Variants in ADRA1A observed in about 807,000 individuals in gnomAD.
The protein encoded by ADRA1A is adrenoceptor alpha 1A, also known as alpha-1A adrenergic receptor.
A neutral mutation model predicts 29.6 loss-of-function variants in ADRA1A; 31 were observed. The ratio of observed to expected loss-of-function variants is 1.05; its 90% CI spans 0.79 to 1.41. ADRA1A has a LOEUF of 1.41. ADRA1A is among the 40% of genes most tolerant of loss of function. ADRA1A has a pLI of 0.00. For synonymous variants in ADRA1A, 311 were observed against 254.3 expected (o/e 1.22, Z -2.12); for missense variants, 619 against 601.1 (o/e 1.03, Z -0.31).
chr8:26,751,917 T>C (rs1217776758), downstream of ADRA1A, among the ~76,000 whole-genome samples: 2 of 152,132 alleles, frequency 1.3e-5, no homozygotes, highest in East Asian at 3.9e-4. Context: ...ATCAGTGGAG[T>C]GTTGAAGTTG....
chr8:26,863,089 A>C (rs1813604706), intron 2 of ADRA1A, among the ~76,000 whole-genome samples: 1 of 152,236 alleles, frequency 6.6e-6, no homozygotes, highest in South Asian at 2.1e-4. Context: ...CATTTAAATT[A>C]GGCTGTAAAG....
At chr8:26,853,817 A>G (rs1812804393) in intron 2 of ADRA1A, 1 of 152,252 alleles carries the variant, frequency 6.6e-6, no homozygotes, top group Admixed American at 6.5e-5. Context: ...CATTCAATGA[A>G]AAAACATGAA....
At chr8:26,846,149 T>G (rs981556436) in intron 2 of ADRA1A, among the ~76,000 whole-genome samples, 1 of 152,244 alleles carries the variant, frequency 6.6e-6, no homozygotes, top group Non-Finnish European at 1.5e-5. Flanking sequence ...TCAAGGCATC[T>G]GGAGACCTCA....
At chr8:26,760,868 G>C (rs1052540219), downstream of ADRA1A, among the ~76,000 whole-genome samples, 1 of 152,184 alleles carries the variant, frequency 6.6e-6, no homozygotes, top group Non-Finnish European at 1.5e-5. Context: ...GGATCTTACT[G>C]TCCCTTAGAA....
chr8:26,765,627 T>A (rs1805734555), downstream of ADRA1A, among the ~76,000 whole-genome samples: 1 of 152,254 alleles, frequency 6.6e-6, no homozygotes, highest in African/African-American at 2.4e-5. Flanking sequence ...ATACCTCTGA[T>A]GTCTCCATAT....
At chr8:26,752,332 A>G (rs543256714), downstream of ADRA1A, among the ~76,000 whole-genome samples, 1 of 152,352 alleles carries the variant, frequency 6.6e-6, no homozygotes, top group East Asian at 1.9e-4. Flanking sequence ...TTTACATAGT[A>G]CCAGAGGAGG....
downstream of ADRA1A, among the ~76,000 whole-genome samples, chr8:26,764,127 C>A (rs1032495942): frequency 4.2e-4 from 64 of 152,252 alleles, no homozygotes; most frequent in African/African-American, 1.5e-3. Flanking sequence ...GGGCGGGGTG[C>A]AGGAGAGGTT....
chr8:26,797,849 A>C (rs1312248184), intron 2 of ADRA1A, among the ~76,000 whole-genome samples: 5 of 152,180 alleles, frequency 3.3e-5, no homozygotes, highest in African/African-American at 1.2e-4. Flanking sequence ...TGTTTACGTC[A>C]GTACATAATT....
chr8:26,797,116 A>G (rs967428443), intron 2 of ADRA1A, among the ~76,000 whole-genome samples: 2 of 152,168 alleles, frequency 1.3e-5, no homozygotes, highest in African/African-American at 4.8e-5. Flanking sequence ...TTATTGTAAC[A>G]GATTAAATGA....
exon 3 of ADRA1A, chr8:26,756,767 T>A (rs547493169): frequency 1.2e-6 from 2 of 1,613,944 alleles, no homozygotes; most frequent in Non-Finnish European, 1.7e-6. Flanking sequence ...CTTCATGTCA[T>A]GGGTGTGTGT....
Position 26,864,250 on chromosome 8 carries a change from G to T in ADRA1A, c.720C>A (p.Asn240Lys). 6.2e-7 allele frequency: 1 copy of T among 1,614,192 alleles called. No individual in the cohort carries two copies. Among genetic ancestry groups the T allele is most frequent in the South Asian group, 1.1e-5 (1 of 91,086 alleles). ...EQVTLRIHRK[N>K]APAGGSGMAS... ...CCATCCCGCTGCCTCCTGCCGGGGC[G>T]TTTTTCCGATGGATGCGGAGCGTCA... Residue 240 changes from asparagine to lysine, a missense_variant, in exon 2 of 3, where the codon AAC becomes AAA. Asn to Lys is a moderately conservative substitution (Grantham distance 94, BLOSUM62 0). Transcript: ENST00000380573. This position sits in a 1 kb window ranked among gnomAD's most constrained non-coding sequence, Gnocchi z 8.1.
At chr8:26,758,688 C>T (rs28515490) in intron 2 of ADRA1A, among the ~76,000 whole-genome samples, 198 of 152,304 alleles carry the variant, frequency 1.3e-3, no homozygotes, top group African/African-American at 4.7e-3. Flanking sequence ...CACCATTTTC[C>T]AGGTCCTTCC....
At chr8:26,827,559 T>C (rs527481080) in intron 2 of ADRA1A, among the ~76,000 whole-genome samples, 1 of 152,354 alleles carries the variant, frequency 6.6e-6, no homozygotes, top group South Asian at 2.1e-4. Context: ...GCTCCTTCTA[T>C]CCGTGTCCTC....
At chr8:26,760,625 G>A (rs1373073533) in intron 2 of ADRA1A, among the ~76,000 whole-genome samples, 1 of 152,198 alleles carries the variant, frequency 6.6e-6, no homozygotes, top group African/African-American at 2.4e-5. Flanking sequence ...GGGCTCTCAT[G>A]TGGTCCTCAA....
chr8:26,788,050 T>G (rs149120908), intron 2 of ADRA1A, among the ~76,000 whole-genome samples: 1,736 of 152,268 alleles, frequency 0.011, 32 homozygotes, highest in African/African-American at 0.04. Context: ...TCAGCTGCTC[T>G]GAGAATCCCC....
At chr8:26,858,296 C>A (rs1400328487) in intron 2 of ADRA1A, among the ~76,000 whole-genome samples, 1 of 152,162 alleles carries the variant, frequency 6.6e-6, no homozygotes, top group Non-Finnish European at 1.5e-5. Context: ...AGACACGTAA[C>A]TATGTTTTCA....
downstream of ADRA1A, among the ~76,000 whole-genome samples, chr8:26,761,658 G>A (rs12677955): frequency 0.096 from 14,565 of 152,216 alleles, 1,015 homozygotes; most frequent in East Asian, 0.33. Flanking sequence ...CCTCCAGAAT[G>A]GTGAGGCAAT....
At chr8:26,816,846 C>T (rs985367408) in intron 2 of ADRA1A, among the ~76,000 whole-genome samples, 2 of 152,176 alleles carry the variant, frequency 1.3e-5, no homozygotes, top group African/African-American at 4.8e-5. Flanking sequence ...GTTTGAACCT[C>T]CCTCTCACTC....
At chr8:26,803,513 C>T (rs1476396253) in intron 2 of ADRA1A, among the ~76,000 whole-genome samples, 1 of 152,082 alleles carries the variant, frequency 6.6e-6, no homozygotes, top group Non-Finnish European at 1.5e-5. Context: ...CCTTTGTGAT[C>T]CTAGAGTAGT....
Sources: gnomAD v4.1 joint callset for allele counts (sites outside exome capture counted in the v4.1 genomes callset) on GRCh38, gnomAD v4.1.1 for gene constraint, Gnocchi (gnomAD v3.1) non-coding constraint, MANE v1.5 for transcripts, NCBI Gene and HGNC (gene_info 2026-07-23, HGNC 2026-07-21) for gene names.